KCTD16: variants seen among roughly 807,000 people sequenced by gnomAD.
KCTD16 encodes the protein potassium channel tetramerization domain containing 16.
A neutral mutation model predicts 33.2 loss-of-function variants in KCTD16; 13 were observed. The observed-to-expected ratio is 0.39, with a 90% CI of 0.25 to 0.62. The LOEUF is 0.62. KCTD16 is among the 20% of genes least tolerant of loss of function. KCTD16 has a pLI of 0.50. For synonymous variants in KCTD16, 197 were observed against 195.3 expected, an observed-to-expected ratio of 1.01 and a Z score of -0.07; for missense variants, 441 against 525.1, an observed-to-expected ratio of 0.84 and a Z score of 1.57.
At chr5:144,231,935 T>C (rs547854248) in intron 3 of KCTD16, among the ~76,000 whole-genome samples, 2 of 152,322 alleles carry the variant, frequency 1.3e-5, no homozygotes, top group African/African-American at 4.8e-5. Flanking sequence ...TCATATTTCA[T>C]ATATCTATAC....
intron 3 of KCTD16, among the ~76,000 whole-genome samples, chr5:144,471,190 A>G (rs953422598): frequency 3.9e-5 from 6 of 152,202 alleles, no homozygotes; most frequent in African/African-American, 1.4e-4. Flanking sequence ...CTCAAAAAAC[A>G]AACAAACAAC....
chr5:144,265,477 A>G (rs1167903700), intron 3 of KCTD16, among the ~76,000 whole-genome samples: 1 of 152,214 alleles, frequency 6.6e-6, no homozygotes, highest in Non-Finnish European at 1.5e-5. Context: ...CAGAAAACAC[A>G]CTGAAGTTAA....
At chr5:144,256,744 T>C (rs1754860256) in intron 3 of KCTD16, among the ~76,000 whole-genome samples, 1 of 152,142 alleles carries the variant, frequency 6.6e-6, no homozygotes, top group African/African-American at 2.4e-5. Context: ...AATGGGAAGT[T>C]TGGGAGCCAT....
chr5:144,270,284 T>C (rs2126846192), intron 3 of KCTD16, among the ~76,000 whole-genome samples: 1 of 151,966 alleles, frequency 6.6e-6, no homozygotes, highest in East Asian at 1.9e-4. Flanking sequence ...ATTGACCATA[T>C]GTTAGGACAC....
intron 3 of KCTD16, among the ~76,000 whole-genome samples, chr5:144,394,341 A>C (rs1752517841): frequency 6.6e-6 from 1 of 152,186 alleles, no homozygotes; most frequent in South Asian, 2.1e-4. Flanking sequence ...CCTTCATGTC[A>C]TACATTAGCA....
intron 3 of KCTD16, among the ~76,000 whole-genome samples, chr5:144,466,239 G>GTTTT (rs35569056): frequency 2.2e-5 from 3 of 135,082 alleles, no homozygotes; most frequent in Admixed American, 7.5e-5. Flanking sequence ...ACTAGCTAGG[G>GTTTT]TTTTTTTTTT....
chr5:144,307,452 A>G (rs1274897944), intron 3 of KCTD16, among the ~76,000 whole-genome samples: 3 of 152,168 alleles, frequency 2.0e-5, no homozygotes, highest in Non-Finnish European at 4.4e-5. Context: ...TGCTTTTAGA[A>G]TAATAATGAT....
intron 3 of KCTD16, among the ~76,000 whole-genome samples, chr5:144,325,708 C>T (rs959242839): frequency 1.3e-5 from 2 of 152,072 alleles, no homozygotes; most frequent in Non-Finnish European, 2.9e-5. Context: ...TGAAGAGGCA[C>T]CTTGACCACG....
At chr5:144,427,987 A>G (rs1435825194) in intron 3 of KCTD16, among the ~76,000 whole-genome samples, 1 of 152,102 alleles carries the variant, frequency 6.6e-6, no homozygotes, top group Non-Finnish European at 1.5e-5. Flanking sequence ...AGCTTAGCAC[A>G]GTATCTGTCA....
chr5:144,473,941 G>T lies in KCTD16; in HGVS notation c.1114G>T (p.Gly372Cys), dbSNP rs777002557. 1.2e-6 allele frequency: 2 copies of T among 1,614,076 alleles called. No individual in the cohort carries two copies. Among genetic ancestry groups the T allele is most frequent in the East Asian group, 4.5e-5 (2 of 44,850 alleles). Residue 372 changes from glycine to cysteine, a missense_variant, in exon 4 of 4, where the codon GGC (glycine) becomes TGC (cysteine). By Grantham distance (159) the Gly-to-Cys change is radical. Coordinates refer to ENST00000512467, the MANE Select transcript of KCTD16 (RefSeq NM_020768.4). Reference sequence around the variant, plus strand: ...CGACTTACTCCGGACTCTGACTTCAGGCTCCAGGGAATCGAACATGAGCAG... The same window carrying T: ...CGACTTACTCCGGACTCTGACTTCATGCTCCAGGGAATCGAACATGAGCAG... ...KSDLLRTLTS[G>C]SRESNMSSKK...
intron 3 of KCTD16, among the ~76,000 whole-genome samples, chr5:144,379,332 A>T (rs556181820): frequency 1.3e-5 from 2 of 152,270 alleles, no homozygotes; most frequent in Admixed American, 1.3e-4. Flanking sequence ...AGGATTAGTA[A>T]ATAGATATTT....
chr5:144,298,051 T>C (rs1392632893), intron 3 of KCTD16, among the ~76,000 whole-genome samples: 5 of 152,180 alleles, frequency 3.3e-5, no homozygotes, highest in Admixed American at 6.5e-5. Context: ...CCGCTCCCGA[T>C]TGGGCTAAAG....
At chr5:144,456,214 A>G (rs1422009) in intron 3 of KCTD16, among the ~76,000 whole-genome samples, 11,328 of 151,402 alleles carry the variant, frequency 0.075, 1,433 homozygotes, top group African/African-American at 0.26. Flanking sequence ...ACCCCCCCCA[A>G]CAAAATATAA....
At chr5:144,326,697 A>G (rs76679592) in intron 3 of KCTD16, among the ~76,000 whole-genome samples, 8,751 of 152,128 alleles carry the variant, frequency 0.058, 841 homozygotes, top group African/African-American at 0.2. Context: ...TCACAAAAAA[A>G]AAAGAAAGAA....
Position 144,207,223 on chromosome 5 carries a change from A to G in KCTD16, c.509A>G (p.Tyr170Cys), listed in dbSNP as rs1220306308. ...AAGTGGGGTTTCATTACTGTGGGTT[A>G]CAGAGGATCCTGCACCTTGGGCAGA... ...DRKWGFITVG[Y>C]RGSCTLGREG... is the part of the protein sequence containing the mutation. Residue 170 changes from tyrosine to cysteine, a missense_variant, in exon 3 of 4, where the codon TAC becomes TGC. Around this residue, in one of 3 missense-constraint regions of KCTD16, gnomAD observed 355 missense variants for 413.0 expected, o/e 0.86. Transcript: ENST00000512467. 1.9e-6 allele frequency: 3 copies of G among 1,613,898 alleles called. No individual in the cohort carries two copies. The African/African-American group carries it at 4.0e-5, about 22-fold the overall frequency.
chr5:144,446,911 A>T (rs545322479), intron 3 of KCTD16, among the ~76,000 whole-genome samples: 1 of 152,140 alleles, frequency 6.6e-6, no homozygotes, highest in Non-Finnish European at 1.5e-5. Flanking sequence ...GAAACAACAG[A>T]TGCTGGAGAG....
rs546515596 is a variant in KCTD16 at position 144,481,658 on chromosome 5, C to A, written c.*7544C>A. On this transcript the variant is annotated 3_prime_UTR_variant, in exon 4 of 4. Coordinates refer to ENST00000512467, the MANE Select transcript of KCTD16 (RefSeq NM_020768.4). ...AAGGACCCAGAAAGTTTAAATCGGT[C>A]ATTTATTTGTTTGTTTATGCATATA... is the stretch of plus-strand genomic sequence containing the variant. The A allele has an allele frequency of 1.4e-4, 21 of 151,920 alleles. No individual in the cohort carries two copies. The South Asian group carries it at 1.5e-3, about 10-fold the overall frequency. 9.4% of individuals were successfully genotyped at this position (151,920 alleles called of 1,614,324 possible).
chr5:144,261,821 A>G (rs1755019775), intron 3 of KCTD16, among the ~76,000 whole-genome samples: 1 of 152,192 alleles, frequency 6.6e-6, no homozygotes, highest in South Asian at 2.1e-4. Flanking sequence ...CAACCCATGT[A>G]CCTGAAGCTT....
chr5:144,381,127 A>G (rs1045620788), intron 3 of KCTD16, among the ~76,000 whole-genome samples: 4 of 152,212 alleles, frequency 2.6e-5, no homozygotes, highest in African/African-American at 4.8e-5. Context: ...AAGCAACCCC[A>G]TTAAAAAATG....
Sources: gnomAD v4.1 joint callset for allele counts (sites outside exome capture counted in the v4.1 genomes callset) on GRCh38, gnomAD v4.1.1 for gene constraint, gnomAD v4.1.1 regional missense constraint, MANE v1.5 for transcripts, NCBI Gene and HGNC (gene_info 2026-07-23, HGNC 2026-07-21) for gene names.